Variants in KIAA0825 observed in about 807,000 individuals in gnomAD.
KIAA0825 encodes the protein KIAA0825, also known as uncharacterized protein KIAA0825.
In KIAA0825, 119 loss-of-function variants were observed where a neutral mutation model predicts 147.6. The observed-to-expected ratio is 0.81, with a 90% CI of 0.69 to 0.94. The LOEUF is 0.94. KIAA0825 is among the 40% of genes least tolerant of loss of function. The pLI is 0.00. For missense variants in KIAA0825, 1,381 were observed against 1,472.7 expected (o/e 0.94, Z 1.02); for synonymous variants, 470 against 518.1 (o/e 0.91, Z 1.26).
rs1761981575 is a variant in KIAA0825, at chr5:94,477,109, A to AG, written c.1227+1_1227+2insC. Reference sequence around the variant, plus strand: ...TAAAACACTTCTTTTTCCTTCACTTACCTCTTTTCCTGGTAGTGATTGCTC... The same window carrying AG: ...TAAAACACTTCTTTTTCCTTCACTTAGCCTCTTTTCCTGGTAGTGATTGCTC... On this transcript the variant is annotated splice_donor_variant, in intron 7 of 20. Transcript: ENST00000682413. LOFTEE classifies it high-confidence loss of function. 8.4e-6 allele frequency: 13 copies of AG among 1,547,272 alleles called. No individual in the cohort carries two copies. The highest frequency in any genetic ancestry group is 9.6e-6 in the Non-Finnish European group (11 of 1,143,774).
intron 13 of KIAA0825, among the ~76,000 whole-genome samples, chr5:94,449,297 G>A (rs1758101277): frequency 6.6e-6 from 1 of 152,164 alleles, no homozygotes; most frequent in South Asian, 2.1e-4. Flanking sequence ...TGAAGCAGAA[G>A]CTACTACAGG....
At chr5:94,558,331 A>G (rs939795948) in intron 2 of KIAA0825, among the ~76,000 whole-genome samples, 1 of 152,222 alleles carries the variant, frequency 6.6e-6, no homozygotes, top group Admixed American at 6.5e-5. Flanking sequence ...GAAATTTGGA[A>G]TGGAGGCAGG....
chr5:94,363,911 T>C (rs1322526676), intron 20 of KIAA0825, among the ~76,000 whole-genome samples: 1 of 152,094 alleles, frequency 6.6e-6, no homozygotes, highest in Admixed American at 6.5e-5. Context: ...CCTCTTTCTC[T>C]TGGTGATTCT....
intron 20 of KIAA0825, among the ~76,000 whole-genome samples, chr5:94,336,226 C>T (rs1226946268): frequency 6.6e-6 from 1 of 151,676 alleles, no homozygotes; most frequent in Non-Finnish European, 1.5e-5. Context: ...TAGAAGTGAG[C>T]ACCCAATGAT....
Position 94,563,092 on chromosome 5 carries a change from A to G in KIAA0825, c.-2+19341T>C, listed in dbSNP as rs1249109818. ...CACGGTAGCTCACGCCTGTAATCCC[A>G]GCACTTTGGGAGGCCGAGGTGGGTG... is the stretch of plus-strand genomic sequence containing the variant. On this transcript the variant is annotated intron_variant, in intron 2 of 20. Coordinates refer to ENST00000682413, the MANE Select transcript of KIAA0825 (RefSeq NM_001145678.3). Among the ~76,000 whole-genome samples, 3 of 152,098 alleles carry G rather than the reference A, an allele frequency of 2.0e-5. No individual in the cohort carries two copies. In the East Asian group the frequency reaches 5.8e-4, roughly 29 times the overall value.
intron 20 of KIAA0825, among the ~76,000 whole-genome samples, chr5:94,192,972 G>T (rs1362695068): frequency 6.6e-6 from 1 of 152,020 alleles, no homozygotes; most frequent in Non-Finnish European, 1.5e-5. Context: ...CTTCATTTTT[G>T]CAGTGATCAA....
At chr5:94,598,497 A>G (rs182083580) in intron 1 of KIAA0825, among the ~76,000 whole-genome samples, 2 of 152,122 alleles carry the variant, frequency 1.3e-5, no homozygotes, top group Non-Finnish European at 2.9e-5. Context: ...TTTTACAGGG[A>G]AGCTGTTAAC....
At chr5:94,489,711 C>A (rs1763491005) in intron 5 of KIAA0825, among the ~76,000 whole-genome samples, 1 of 151,558 alleles carries the variant, frequency 6.6e-6, no homozygotes, top group African/African-American at 2.4e-5. Context: ...CATGGCGAAA[C>A]CCTGTCTCTA....
intron 20 of KIAA0825, among the ~76,000 whole-genome samples, chr5:94,161,416 G>A (rs1466714134): frequency 1.3e-5 from 2 of 152,014 alleles, no homozygotes; most frequent in East Asian, 3.9e-4. Flanking sequence ...CCCCAAACCT[G>A]CTCATCCTTC....
chr5:94,166,450 A>G (rs1463728638), intron 20 of KIAA0825, among the ~76,000 whole-genome samples: 1 of 150,744 alleles, frequency 6.6e-6, no homozygotes, highest in African/African-American at 2.4e-5. Context: ...TCCTTGCCTC[A>G]TGAAGCAATC....
intron 20 of KIAA0825, among the ~76,000 whole-genome samples, chr5:94,300,663 A>G (rs886457560): frequency 7.2e-5 from 11 of 152,188 alleles, no homozygotes; most frequent in Admixed American, 3.9e-4. Context: ...ATGTTTGCCA[A>G]TATAAAGAAT....
intron 20 of KIAA0825, among the ~76,000 whole-genome samples, chr5:94,375,316 C>T (rs967425070): frequency 8.5e-5 from 13 of 152,182 alleles, no homozygotes; most frequent in Non-Finnish European, 1.3e-4. Flanking sequence ...CAAGCGTGAG[C>T]CACCACACCC....
intron 20 of KIAA0825, among the ~76,000 whole-genome samples, chr5:94,256,332 A>AAT (rs1442401240): frequency 6.6e-6 from 1 of 152,168 alleles, no homozygotes; most frequent in Non-Finnish European, 1.5e-5. Context: ...TTCCTCAAAG[A>AAT]ATAGCCTTCT....
At chr5:94,218,613 A>T (rs774343620) in intron 20 of KIAA0825, among the ~76,000 whole-genome samples, 12 of 152,212 alleles carry the variant, frequency 7.9e-5, no homozygotes, top group Non-Finnish European at 1.8e-4. Context: ...ACATTCCAGA[A>T]CTGTGAGGAA....
At chr5:94,342,237 G>GTCTCA (rs1782481126) in intron 20 of KIAA0825, among the ~76,000 whole-genome samples, 1 of 151,086 alleles carries the variant, frequency 6.6e-6, no homozygotes, top group Non-Finnish European at 1.5e-5. Flanking sequence ...CACCAAAATT[G>GTCTCA]TCTCACTAAA....
chr5:94,297,236 A>C (rs914118594), intron 20 of KIAA0825, among the ~76,000 whole-genome samples: 1 of 152,166 alleles, frequency 6.6e-6, no homozygotes, highest in African/African-American at 2.4e-5. Flanking sequence ...AAATACAGTT[A>C]TTATCTCTAA....
At chr5:94,488,850 C>A (rs184803178) in intron 5 of KIAA0825, among the ~76,000 whole-genome samples, 1 of 152,278 alleles carries the variant, frequency 6.6e-6, no homozygotes, top group Admixed American at 6.5e-5. Context: ...ATATTAAAGT[C>A]TCTATTTCCT....
intron 2 of KIAA0825, among the ~76,000 whole-genome samples, chr5:94,559,740 T>C (rs943565516): frequency 2.0e-5 from 3 of 152,210 alleles, no homozygotes; most frequent in African/African-American, 7.2e-5. Context: ...ATTATAGTCC[T>C]TCCTCCAAAA....
chr5:94,348,295 C>T (rs2150355259), intron 20 of KIAA0825, among the ~76,000 whole-genome samples: 1 of 152,258 alleles, frequency 6.6e-6, no homozygotes, highest in South Asian at 2.1e-4. Context: ...GCACAAAGAA[C>T]ACCCTGGAAA....
Sources: allele counts gnomAD v4.1 joint callset (sites outside exome capture counted in the v4.1 genomes callset), GRCh38; gene constraint gnomAD v4.1.1; transcripts MANE v1.5; gene names NCBI Gene and HGNC (gene_info 2026-07-23, HGNC 2026-07-21).